ME3: variants seen among roughly 807,000 people sequenced by gnomAD.
ME3 encodes the protein NADP-dependent malic enzyme, mitochondrial.
Under a neutral mutation model 68.9 loss-of-function variants are expected in ME3, and 48 were observed. The observed-to-expected ratio is 0.70, with a 90% CI of 0.55 to 0.89. The LOEUF (loss-of-function observed/expected upper bound fraction) is 0.89. Among genes scored for constraint, ME3 ranks in the 40% least tolerant of loss-of-function variants. The pLI, the probability that ME3 is intolerant of heterozygous loss-of-function variation, is 0.00. For missense variants in ME3, 675 were observed against 797.4 expected, an observed-to-expected ratio of 0.85 and a Z score of 1.85; for synonymous variants, 320 against 318.8, an observed-to-expected ratio of 1.00 and a Z score of -0.04.
chr11:86,461,288 C>T (rs989913318), intron 8 of ME3, among the ~76,000 whole-genome samples: 7 of 152,076 alleles, frequency 4.6e-5, no homozygotes, highest in Non-Finnish European at 8.8e-5. Flanking sequence ...TCATTAGTGA[C>T]GTGGGACAGC....
At chr11:86,647,260 T>C (rs1198622559) in intron 2 of ME3, among the ~76,000 whole-genome samples, 1 of 152,010 alleles carries the variant, frequency 6.6e-6, no homozygotes, top group Non-Finnish European at 1.5e-5. Flanking sequence ...GACTGGCAAA[T>C]TGGATAAAGA....
chr11:86,530,023 G>T (rs1032376817), intron 4 of ME3, among the ~76,000 whole-genome samples: 1 of 152,094 alleles, frequency 6.6e-6, no homozygotes, highest in African/African-American at 2.4e-5. Flanking sequence ...GGCAGGAGAA[G>T]GAAATAAAGG....
intron 2 of ME3, among the ~76,000 whole-genome samples, chr11:86,608,378 T>A (rs1468642691): frequency 1.3e-5 from 2 of 152,216 alleles, no homozygotes; most frequent in Non-Finnish European, 2.9e-5. Context: ...AGCCCATTTC[T>A]ACTAAAACAA....
intron 4 of ME3, among the ~76,000 whole-genome samples, chr11:86,534,077 G>A (rs199989857): frequency 5.6e-3 from 67 of 12,020 alleles, no homozygotes; most frequent in African/African-American, 0.013. Flanking sequence ...GTGTGTGTGT[G>A]TGTGTATATA....
chr11:86,613,320 C>G (rs1942726137), intron 2 of ME3, among the ~76,000 whole-genome samples: 1 of 152,038 alleles, frequency 6.6e-6, no homozygotes, highest in African/African-American at 2.4e-5. Flanking sequence ...GAACATATCT[C>G]AAAATAATAA....
At chr11:86,453,038 GC>G (rs1949719886) in intron 8 of ME3, among the ~76,000 whole-genome samples, 1 of 151,932 alleles carries the variant, frequency 6.6e-6, no homozygotes, top group South Asian at 2.1e-4. Context: ...TCACTCGGTC[GC>G]CCAGGCTGGA....
intron 2 of ME3, among the ~76,000 whole-genome samples, chr11:86,560,742 G>GTATATATATATATATA (rs1201892920): frequency 2.3e-3 from 134 of 58,142 alleles, no homozygotes; most frequent in Non-Finnish European, 3.7e-3. Context: ...GTGTGTGTGT[G>GTATATATATATATATA]TGTGTGTATA....
intron 2 of ME3, among the ~76,000 whole-genome samples, chr11:86,619,354 A>G (rs914411182): frequency 6.6e-6 from 1 of 152,256 alleles, no homozygotes; most frequent in Non-Finnish European, 1.5e-5. Context: ...ATAAAGTATT[A>G]AATTGAGGGT....
intron 2 of ME3, among the ~76,000 whole-genome samples, chr11:86,653,044 A>C (rs1343631552): frequency 6.6e-6 from 1 of 152,208 alleles, no homozygotes; most frequent in African/African-American, 2.4e-5. Context: ...AGAAGAGCTA[A>C]CTATCCTAAG....
chr11:86,494,572 C>A (rs1952197254), intron 6 of ME3, among the ~76,000 whole-genome samples: 1 of 152,160 alleles, frequency 6.6e-6, no homozygotes, highest in South Asian at 2.1e-4. Context: ...GACAGGGGTA[C>A]TCTGGTCCCT....
Position 86,442,826 on chromosome 11 carries a change from T to C in ME3, c.1648A>G (p.Ile550Val), listed in dbSNP as rs774252348. Residue 550 changes from isoleucine (I) to valine (V), a missense_variant, in exon 14 of 15, where the codon ATC becomes GTC. Coordinates refer to ENST00000543262, the Ensembl canonical transcript of ME3. ...AGGGGTAGGATGCCCCTTACTTTGATGGCAATTCTCAAAGACACGTCTCGG... is the reference window on the plus strand; with the variant it reads ...AGGGGTAGGATGCCCCTTACTTTGACGGCAATTCTCAAAGACACGTCTCGG... 13 of 1,609,434 alleles carry C rather than the reference T, an allele frequency of 8.1e-6. No homozygotes were observed. In the Admixed American group the frequency reaches 1.8e-4, roughly 23 times the overall value.
chr11:86,450,251 A>T, intron 9 of ME3, 50 bp downstream of exon 9: 1 of 1,561,308 alleles, frequency 6.4e-7, no homozygotes, highest in Non-Finnish European at 8.8e-7. Flanking sequence ...GCTTCCACCC[A>T]TTCTTATTCT....
intron 6 of ME3, among the ~76,000 whole-genome samples, chr11:86,491,940 C>T (rs1362540592): frequency 6.6e-6 from 1 of 152,106 alleles, no homozygotes; most frequent in African/African-American, 2.4e-5. Context: ...ATCTGGTAAC[C>T]CTATCTACAG....
At chr11:86,669,798 G>T (rs533319373) in intron 2 of ME3, among the ~76,000 whole-genome samples, 2 of 152,088 alleles carry the variant, frequency 1.3e-5, no homozygotes, top group Non-Finnish European at 2.9e-5. Context: ...GATTTCAGGG[G>T]ACCAAAACCT....
chr11:86,633,996 C>A (rs1173564893), intron 2 of ME3, among the ~76,000 whole-genome samples: 1 of 152,190 alleles, frequency 6.6e-6, no homozygotes, highest in Non-Finnish European at 1.5e-5. Flanking sequence ...CCAGAATTTC[C>A]TTCCTGCACT....
intron 2 of ME3, among the ~76,000 whole-genome samples, chr11:86,570,158 C>A (rs558208740): frequency 3.3e-5 from 5 of 152,132 alleles, no homozygotes; most frequent in African/African-American, 4.8e-5. Context: ...TAGCAGACAC[C>A]GTGTAACAGT....
At chr11:86,615,932 A>T (rs961825216) in intron 2 of ME3, among the ~76,000 whole-genome samples, 12 of 152,232 alleles carry the variant, frequency 7.9e-5, no homozygotes, top group African/African-American at 2.9e-4. Flanking sequence ...AAACTCATAA[A>T]CATCCTAATT....
At chr11:86,603,289 G>T (rs1366195602) in intron 2 of ME3, among the ~76,000 whole-genome samples, 2 of 151,934 alleles carry the variant, frequency 1.3e-5, no homozygotes, top group Non-Finnish European at 1.5e-5. Flanking sequence ...GTGGGCAAAG[G>T]ATATGAACAG....
At chr11:86,590,585 A>G (rs1344984541) in intron 2 of ME3, among the ~76,000 whole-genome samples, 2 of 152,132 alleles carry the variant, frequency 1.3e-5, no homozygotes, top group African/African-American at 4.8e-5. Flanking sequence ...AGAGCACCTC[A>G]AGGCAGAGGA....
Sources: gnomAD v4.1 joint callset for allele counts (sites outside exome capture counted in the v4.1 genomes callset) on GRCh38, gnomAD v4.1.1 for gene constraint, MANE v1.5 for transcripts, NCBI Gene and HGNC (gene_info 2026-07-23, HGNC 2026-07-21) for gene names.